Variants in THSD7A observed in about 807,000 individuals in gnomAD.
THSD7A encodes thrombospondin type-1 domain-containing protein 7A.
In THSD7A, 96 loss-of-function variants were observed where a neutral mutation model predicts 231.3. The ratio of observed to expected loss-of-function variants is 0.41; its 90% CI spans 0.35 to 0.49. The LOEUF (loss-of-function observed/expected upper bound fraction) is 0.49. THSD7A is among the 20% of genes least tolerant of loss of function. THSD7A has a pLI of 0.05. For synonymous variants in THSD7A, 940 were observed against 743.3 expected (o/e 1.26, Z -4.30); for missense variants, 2,290 against 2,070.2 (o/e 1.11, Z -2.06).
At chr7:11,498,252 G>T (rs1182728229) in intron 6 of THSD7A, among the ~76,000 whole-genome samples, 1 of 152,212 alleles carries the variant, frequency 6.6e-6, no homozygotes, top group East Asian at 1.9e-4. Flanking sequence ...CTCTCAGAGA[G>T]AGGGGCGGGC....
chr7:11,470,017 T>C (rs1430626622), intron 8 of THSD7A, 23 bp from the exon 9 acceptor site: 1 of 1,466,768 alleles, frequency 6.8e-7, no homozygotes. Context: ...AGGGGAATTA[T>C]TAGGCTTCAA....
At chr7:11,432,449 C>G (rs1359139953) in intron 13 of THSD7A, among the ~76,000 whole-genome samples, 2 of 152,114 alleles carry the variant, frequency 1.3e-5, no homozygotes, top group Non-Finnish European at 2.9e-5. Context: ...GTCCAGAACT[C>G]TCCTCCGTAT....
intron 16 of THSD7A, among the ~76,000 whole-genome samples, chr7:11,424,477 T>C (rs1784253611): frequency 6.6e-6 from 1 of 152,246 alleles, no homozygotes; most frequent in Admixed American, 6.5e-5. Flanking sequence ...TTTAAGAGTA[T>C]TTGAAGTGAT....
chr7:11,535,305 G>GATATCCAA (rs1788868722), intron 6 of THSD7A, among the ~76,000 whole-genome samples: 1 of 152,076 alleles, frequency 6.6e-6, no homozygotes, highest in Non-Finnish European at 1.5e-5. Context: ...AGATATCCAA[G>GATATCCAA]TGTATTGTAA....
At chr7:11,409,989 G>A (rs1034202492) in intron 19 of THSD7A, among the ~76,000 whole-genome samples, 1 of 152,024 alleles carries the variant, frequency 6.6e-6, no homozygotes, top group South Asian at 2.1e-4. Flanking sequence ...TGATCCGCCC[G>A]ACTGAGCCTC....
At chr7:11,541,136 T>C (rs1254199718) in intron 6 of THSD7A, among the ~76,000 whole-genome samples, 1 of 152,238 alleles carries the variant, frequency 6.6e-6, no homozygotes, top group Non-Finnish European at 1.5e-5. Flanking sequence ...AATTTGGCAA[T>C]TATTGCCCTA....
At chr7:11,642,948 C>T (rs1435853045) in intron 1 of THSD7A, among the ~76,000 whole-genome samples, 1 of 152,050 alleles carries the variant, frequency 6.6e-6, no homozygotes, top group African/African-American at 2.4e-5. Context: ...TCTAAGACTA[C>T]TTTTTATATG....
intron 11 of THSD7A, among the ~76,000 whole-genome samples, chr7:11,456,621 G>A (rs1361677532): frequency 6.6e-6 from 1 of 151,918 alleles, no homozygotes; most frequent in Non-Finnish European, 1.5e-5. Flanking sequence ...TTTAGATCAA[G>A]GGTCAGCAAT....
At position 11,636,522 on chromosome 7, in the gene THSD7A, G is replaced by A. The variant is rs758497643; in HGVS notation, c.630C>T (p.Cys210=). ...FSAWSECSKT[C]GSGLQHRTRH... Reference sequence around the variant, plus strand: ...GCGTCCGGTGCTGGAGCCCGCTGCCGCAGGTCTTGGAGCATTCGGACCAGG... The same window carrying A: ...GCGTCCGGTGCTGGAGCCCGCTGCCACAGGTCTTGGAGCATTCGGACCAGG... The change falls in exon 2 of 28, where the codon TGC becomes TGT. Residue 210 remains cysteine (C), a synonymous_variant. Transcript: ENST00000423059. The surrounding 1 kb of genome is among the most constrained non-coding windows in gnomAD (Gnocchi z 10.0). The A allele has an allele frequency of 4.3e-6, 7 of 1,613,892 alleles. No homozygotes were observed. The highest frequency in any genetic ancestry group is 1.1e-5 in the South Asian group (1 of 91,078).
intron 4 of THSD7A, among the ~76,000 whole-genome samples, chr7:11,579,237 T>A (rs1390664805): frequency 2.6e-5 from 4 of 152,252 alleles, no homozygotes; most frequent in Non-Finnish European, 5.9e-5. Context: ...AGTTCTACAA[T>A]GTAGTTTGCA....
chr7:11,806,897 C>A (rs74700574), intron 1 of THSD7A, among the ~76,000 whole-genome samples: 1,547 of 152,226 alleles, frequency 0.01, 24 homozygotes, highest in African/African-American at 0.035. Context: ...TTTCTCTCCA[C>A]TGCTAACCTC....
chr7:11,733,954 C>T (rs895441152), intron 1 of THSD7A, among the ~76,000 whole-genome samples: 2 of 151,682 alleles, frequency 1.3e-5, no homozygotes, highest in African/African-American at 4.8e-5. Context: ...TTATATTTCC[C>T]TTCACAGACC....
intron 1 of THSD7A, among the ~76,000 whole-genome samples, chr7:11,684,415 GAAATAGA>G (rs781576540): frequency 2.9e-4 from 42 of 146,732 alleles, no homozygotes; most frequent in Non-Finnish European, 4.8e-4. Flanking sequence ...AAAAGACATT[GAAATAGA>G]AAAAAAAAAA....
intron 7 of THSD7A, among the ~76,000 whole-genome samples, chr7:11,476,092 T>G (rs980129904): frequency 2.6e-5 from 4 of 152,026 alleles, no homozygotes; most frequent in African/African-American, 9.7e-5. Flanking sequence ...TTGGTAAAGC[T>G]AAAAGTCTAA....
chr7:11,668,519 A>T (rs1343900365), intron 1 of THSD7A, among the ~76,000 whole-genome samples: 1 of 100,136 alleles, frequency 1.0e-5, no homozygotes, highest in Non-Finnish European at 2.1e-5. Flanking sequence ...GAAAGAAAAA[A>T]AGAAAGACAG....
chr7:11,415,646 C>T (rs1783934464), intron 17 of THSD7A, among the ~76,000 whole-genome samples: 1 of 152,134 alleles, frequency 6.6e-6, no homozygotes, highest in African/African-American at 2.4e-5. Context: ...TAACTAAAGT[C>T]TCACAGGAAT....
chr7:11,806,453 G>A (rs1207790423), intron 1 of THSD7A, among the ~76,000 whole-genome samples: 2 of 152,140 alleles, frequency 1.3e-5, no homozygotes, highest in South Asian at 2.1e-4. Flanking sequence ...TATAAGCAGG[G>A]ACTTCAGCTT....
chr7:11,676,979 G>A (rs559678439), intron 1 of THSD7A, among the ~76,000 whole-genome samples: 239 of 152,214 alleles, frequency 1.6e-3, no homozygotes, highest in Non-Finnish European at 2.8e-3. Context: ...ATTCACCAAG[G>A]TTGAAATGAA....
chr7:11,461,121 A>T (rs995375727), intron 10 of THSD7A, among the ~76,000 whole-genome samples: 2 of 152,138 alleles, frequency 1.3e-5, no homozygotes, highest in Non-Finnish European at 2.9e-5. Context: ...AAGTTATGAA[A>T]CTGTATTCAA....
Sources: allele counts gnomAD v4.1 joint callset (sites outside exome capture counted in the v4.1 genomes callset), GRCh38; gene constraint gnomAD v4.1.1; non-coding constraint Gnocchi (gnomAD v3.1); transcripts MANE v1.5; gene names NCBI Gene and HGNC (gene_info 2026-07-23, HGNC 2026-07-21).